PCDHA1: variants seen among roughly 807,000 people sequenced by gnomAD.
The protein encoded by PCDHA1 is protocadherin alpha 1, also known as protocadherin alpha-1.
PCDHA1 carries 42 observed loss-of-function variants against 61.3 expected under a neutral mutation model. That is an observed-to-expected ratio of 0.69 (90% CI 0.54 to 0.89). The LOEUF is 0.89. Ranked by LOEUF, PCDHA1 falls within the 40% of genes least tolerant of loss-of-function variation. The pLI is 0.00. For missense variants in PCDHA1, 1,256 were observed against 1,235.3 expected (o/e 1.02, Z -0.25); for synonymous variants, 610 against 553.8 (o/e 1.10, Z -1.43).
intron 1 of PCDHA1, chr5:140,968,494 C>G (rs782064203): frequency 1.2e-6 from 2 of 1,614,096 alleles, no homozygotes; most frequent in South Asian, 2.2e-5. Flanking sequence ...ATGACCATGC[C>G]CCTCACATTC....
rs782135685 is a variant in PCDHA1 at position 140,802,807 on chromosome 5, C to G, written c.2394+14123C>G. On this transcript the variant is annotated intron_variant, in intron 1 of 3. Transcript: ENST00000504120. ...GAGCTGCTGCAGTTCCAGGTGAGTGCGCGCGATGCGGGCGTGCCGCCTCTG... is the reference window on the plus strand; with the variant it reads ...GAGCTGCTGCAGTTCCAGGTGAGTGGGCGCGATGCGGGCGTGCCGCCTCTG... 4.3e-6 allele frequency: 7 copies of G among 1,613,440 alleles called. No individual in the cohort carries two copies. The highest frequency in any genetic ancestry group is 5.9e-6 in the Non-Finnish European group (7 of 1,179,896).
intron 1 of PCDHA1, chr5:140,857,488 C>T: frequency 6.3e-7 from 1 of 1,598,442 alleles, no homozygotes; most frequent in Non-Finnish European, 8.6e-7. Flanking sequence ...CTGCGTGGGA[C>T]GCGGACGCGC....
intron 1 of PCDHA1, chr5:140,968,932 A>C: frequency 6.2e-7 from 1 of 1,614,164 alleles, no homozygotes; most frequent in Non-Finnish European, 8.5e-7. Context: ...TTCTTTTGAC[A>C]ATCATCATTT....
chr5:140,877,840 G>A, intron 1 of PCDHA1: 1 of 1,580,394 alleles, frequency 6.3e-7, no homozygotes, highest in South Asian at 1.2e-5. Context: ...TCCCAGTGAA[G>A]TAAGTTATTA....
At chr5:140,867,399 A>C (rs1001723593) in intron 1 of PCDHA1, 2 of 152,166 alleles carry the variant, frequency 1.3e-5, no homozygotes, top group African/African-American at 4.8e-5. Flanking sequence ...AAAAGTTGAT[A>C]TGTCTCCTTT....
chr5:140,961,985 G>A (rs782724308), intron 1 of PCDHA1, among the ~76,000 whole-genome samples: 30 of 151,692 alleles, frequency 2.0e-4, no homozygotes, highest in Non-Finnish European at 4.0e-4. Context: ...CTGGGTTCAC[G>A]CCATTGTCCT....
intron 1 of PCDHA1, chr5:140,821,719 T>C: frequency 6.7e-7 from 1 of 1,495,910 alleles, no homozygotes; most frequent in Non-Finnish European, 9.0e-7. Flanking sequence ...GAATTGAATT[T>C]ACAAAATACA....
chr5:141,011,750 A>T lies in PCDHA1; in HGVS notation c.*1813A>T, dbSNP rs1554263628. The T allele has an allele frequency of 6.5e-6, 1 of 153,696 alleles. No individual in the cohort carries two copies. Among genetic ancestry groups the T allele is most frequent in the Non-Finnish European group, 1.5e-5 (1 of 68,036 alleles). 9.5% of individuals were successfully genotyped at this position (153,696 alleles called of 1,614,324 possible). A position where few individuals can be genotyped will look rare whatever the true frequency, so the allele number is the denominator to read the frequency against. On this transcript the variant is annotated 3_prime_UTR_variant, in exon 4 of 4. Transcript: ENST00000504120. ...TGCAAGCACAAATTTTACCAATCTG[A>T]CCTCTTTGAAGTTGCAGAATGCTTT... is the stretch of plus-strand genomic sequence containing the variant.
At chr5:140,965,521 G>T (rs1554227745) in intron 1 of PCDHA1, among the ~76,000 whole-genome samples, 1 of 150,834 alleles carries the variant, frequency 6.6e-6, no homozygotes, top group African/African-American at 2.4e-5. Flanking sequence ...TAACTGCAAA[G>T]CATTAATGGA....
intron 1 of PCDHA1, among the ~76,000 whole-genome samples, chr5:140,907,552 C>A (rs576974083): frequency 1.4e-4 from 21 of 152,278 alleles, no homozygotes; most frequent in Admixed American, 1.3e-3. Flanking sequence ...GGAAGAGGTC[C>A]AATATAATCA....
At chr5:140,850,475 G>T (rs2150485791) in intron 1 of PCDHA1, 2 of 1,597,894 alleles carry the variant, frequency 1.3e-6, no homozygotes, top group African/African-American at 2.7e-5. Flanking sequence ...CAGCGCTGAC[G>T]GCCACGGCCA....
At chr5:140,806,495 C>T (rs375920717) in intron 1 of PCDHA1, among the ~76,000 whole-genome samples, 1 of 152,288 alleles carries the variant, frequency 6.6e-6, no homozygotes, top group East Asian at 1.9e-4. Context: ...TGACATGACT[C>T]AAGGAAGACA....
intron 1 of PCDHA1, among the ~76,000 whole-genome samples, chr5:140,956,211 T>C (rs908749043): frequency 6.6e-6 from 1 of 152,198 alleles, no homozygotes; most frequent in African/African-American, 2.4e-5. Context: ...AAAGAGGGCA[T>C]CCTTGTCTTG....
At chr5:140,993,151 TC>T (rs2097543126) in intron 3 of PCDHA1, among the ~76,000 whole-genome samples, 1 of 152,246 alleles carries the variant, frequency 6.6e-6, no homozygotes, top group Admixed American at 6.5e-5. Flanking sequence ...ATAAATGGAT[TC>T]TAAATATTTG....
At chr5:140,991,071 T>A (rs2097430480) in intron 3 of PCDHA1, among the ~76,000 whole-genome samples, 1 of 152,152 alleles carries the variant, frequency 6.6e-6, no homozygotes, top group African/African-American at 2.4e-5. Flanking sequence ...ATTCCCATGT[T>A]TCAGATAAAA....
At chr5:140,854,961 T>C (rs557755220) in intron 1 of PCDHA1, among the ~76,000 whole-genome samples, 1 of 150,064 alleles carries the variant, frequency 6.7e-6, no homozygotes, top group South Asian at 2.1e-4. Flanking sequence ...TTAATTACTT[T>C]ATTCAGAATT....
intron 1 of PCDHA1, chr5:140,883,896 C>G (rs199847007): frequency 6.2e-7 from 1 of 1,613,386 alleles, no homozygotes; most frequent in African/African-American, 1.3e-5. Context: ...TCTGGCGTGC[C>G]GCCTCTGGGC....
intron 1 of PCDHA1, among the ~76,000 whole-genome samples, chr5:140,952,848 T>A (rs10476804): frequency 0.013 from 2,044 of 152,238 alleles, 38 homozygotes; most frequent in African/African-American, 0.047. Context: ...CTGCTTGTCT[T>A]CTGGGGAGGC....
At chr5:140,993,958 G>A (rs782075870) in intron 3 of PCDHA1, among the ~76,000 whole-genome samples, 1 of 152,162 alleles carries the variant, frequency 6.6e-6, no homozygotes, top group Non-Finnish European at 1.5e-5. Context: ...ATACATGACT[G>A]TAGTCATCAT....
Sources: gnomAD v4.1 joint callset for allele counts (sites outside exome capture counted in the v4.1 genomes callset) on GRCh38, gnomAD v4.1.1 for gene constraint, MANE v1.5 for transcripts, NCBI Gene and HGNC (gene_info 2026-07-23, HGNC 2026-07-21) for gene names.